The following PDE4D variants were observed in gnomAD, a reference collection of about 807,000 sequenced individuals.
PDE4D encodes 3',5'-cyclic-AMP phosphodiesterase 4D.
A neutral mutation model predicts 87.4 loss-of-function variants in PDE4D; 24 were observed. That is an observed-to-expected ratio of 0.27 (90% confidence interval 0.20 to 0.39). PDE4D has a LOEUF of 0.39. Among genes scored for constraint, PDE4D ranks in the 10% least tolerant of loss-of-function variants. The pLI, the probability that PDE4D is intolerant of heterozygous loss-of-function variation, is 1.00. For missense variants in PDE4D, 714 were observed against 1,041.0 expected, an observed-to-expected ratio of 0.69 and a Z score of 4.32; for synonymous variants, 384 against 383.2, an observed-to-expected ratio of 1.00 and a Z score of -0.02.
At chr5:59,065,942 T>C (rs1763860543) in intron 5 of PDE4D, among the ~76,000 whole-genome samples, 1 of 152,124 alleles carries the variant, frequency 6.6e-6, no homozygotes, top group South Asian at 2.1e-4. Flanking sequence ...TAAAGAAGAC[T>C]AAAAGGATCC....
At chr5:59,401,250 G>T (rs1394604353) in intron 1 of PDE4D, among the ~76,000 whole-genome samples, 1 of 152,158 alleles carries the variant, frequency 6.6e-6, no homozygotes. Flanking sequence ...TTCAAGACCA[G>T]CCTGGGCAAC....
chr5:59,232,800 T>C (rs747821108), intron 1 of PDE4D, among the ~76,000 whole-genome samples: 7 of 141,842 alleles, frequency 4.9e-5, no homozygotes, highest in Non-Finnish European at 1.0e-4. Flanking sequence ...AACAAACCGA[T>C]AGAGAAAATA....
At chr5:60,065,873 T>C (rs998001243) in intron 2 of PDE4D, among the ~76,000 whole-genome samples, 4 of 152,182 alleles carry the variant, frequency 2.6e-5, no homozygotes, top group Admixed American at 1.3e-4. Flanking sequence ...TTTGCTATTG[T>C]GAATAGTGCA....
intron 1 of PDE4D, among the ~76,000 whole-genome samples, chr5:59,288,092 G>A (rs761803099): frequency 1.1e-4 from 16 of 151,940 alleles, no homozygotes; most frequent in Non-Finnish European, 2.4e-4. Context: ...AGCCTATCCA[G>A]GAAAACATGA....
intron 1 of PDE4D, among the ~76,000 whole-genome samples, chr5:59,668,845 GGAAGAAGAA>G (rs1208323931): frequency 0.021 from 1,292 of 61,770 alleles, 16 homozygotes; most frequent in Middle Eastern, 0.026. Context: ...AAGAGGAAGA[GGAAGAAGAA>G]GAAGAAGAAG....
intron 5 of PDE4D, among the ~76,000 whole-genome samples, chr5:59,107,107 C>A (rs752491588): frequency 6.6e-6 from 1 of 151,686 alleles, no homozygotes; most frequent in African/African-American, 2.4e-5. Context: ...CAAGCTACAT[C>A]TGTGTGTGTG....
At chr5:60,501,283 G>A (rs1199780612) in intron 1 of PDE4D, among the ~76,000 whole-genome samples, 1 of 151,994 alleles carries the variant, frequency 6.6e-6, no homozygotes, top group African/African-American at 2.4e-5. Flanking sequence ...AGTTTACTGA[G>A]AATGATGATT....
chr5:59,372,603 G>A (rs2153599062), intron 1 of PDE4D, among the ~76,000 whole-genome samples: 3 of 152,234 alleles, frequency 2.0e-5, no homozygotes, highest in Admixed American at 2.0e-4. Flanking sequence ...CTGCTTGTGG[G>A]GCACAGAGAA....
At chr5:59,422,392 C>T (rs913942882) in intron 1 of PDE4D, among the ~76,000 whole-genome samples, 1 of 152,106 alleles carries the variant, frequency 6.6e-6, no homozygotes, top group African/African-American at 2.4e-5. Context: ...GTCCAAAGTC[C>T]TGACTATTGT....
At chr5:59,153,753 T>G (rs367624095) in intron 5 of PDE4D, among the ~76,000 whole-genome samples, 898 of 41,102 alleles carry the variant, frequency 0.022, 14 homozygotes, top group African/African-American at 0.063. Context: ...GTGGGCAGGG[T>G]TTTTTTTTTT....
intron 6 of PDE4D, among the ~76,000 whole-genome samples, chr5:59,000,932 G>A (rs1189082856): frequency 7.2e-5 from 11 of 152,018 alleles, no homozygotes; most frequent in African/African-American, 2.7e-4. Flanking sequence ...CAGGGGATCT[G>A]CCCACCTCAG....
intron 5 of PDE4D, among the ~76,000 whole-genome samples, chr5:59,109,735 A>C (rs2153437851): frequency 6.6e-6 from 1 of 152,318 alleles, no homozygotes; most frequent in Non-Finnish European, 1.5e-5. Context: ...TAGAGTCCAG[A>C]AGTAAGAGAA....
At chr5:59,392,741 C>G (rs1000885388) in intron 1 of PDE4D, among the ~76,000 whole-genome samples, 1 of 152,136 alleles carries the variant, frequency 6.6e-6, no homozygotes, top group African/African-American at 2.4e-5. Flanking sequence ...ATCCCCCTGC[C>G]TTCTCCATTT....
chr5:60,340,275 TC>T (rs1758190936), intron 1 of PDE4D, among the ~76,000 whole-genome samples: 1 of 130,072 alleles, frequency 7.7e-6, no homozygotes, highest in Non-Finnish European at 1.6e-5. Context: ...CTGTACAGCA[TC>T]CTATTTTTTT....
intron 1 of PDE4D, among the ~76,000 whole-genome samples, chr5:60,411,102 C>G (rs1009640851): frequency 6.6e-6 from 1 of 152,188 alleles, no homozygotes; most frequent in Non-Finnish European, 1.5e-5. Flanking sequence ...ATATTAACTG[C>G]TGCACTGGAC....
chr5:60,428,346 T>C lies in PDE4D; in HGVS notation c.-90+59596A>G, dbSNP rs535731139. Among the ~76,000 whole-genome samples the C allele has an allele frequency of 8.6e-5, 13 of 150,920 alleles. No individual in the cohort carries two copies. The East Asian group carries it at 2.5e-3, about 29-fold the overall frequency. ...AATGGCACACTAAAAAATATTCAAA[T>C]GCTCTGAAAAGAGCAGGAAAGAAAC... is the stretch of plus-strand genomic sequence containing the variant. On this transcript the variant is annotated intron_variant, in intron 1 of 16. Coordinates refer to the PDE4D transcript ENST00000502484.
chr5:60,227,676 T>C (rs1745288688), intron 1 of PDE4D, among the ~76,000 whole-genome samples: 1 of 151,738 alleles, frequency 6.6e-6, no homozygotes, highest in Admixed American at 6.6e-5. Context: ...GGAAGGGTTT[T>C]ACTTTTGTAA....
intron 1 of PDE4D, among the ~76,000 whole-genome samples, chr5:59,660,008 G>A (rs1458455199): frequency 6.6e-6 from 1 of 152,024 alleles, no homozygotes; most frequent in Admixed American, 6.6e-5. Context: ...AACATGGCGA[G>A]GCCCCATCTC....
intron 3 of PDE4D, among the ~76,000 whole-genome samples, chr5:59,949,910 A>G (rs1353000634): frequency 6.6e-6 from 1 of 152,232 alleles, no homozygotes; most frequent in East Asian, 1.9e-4. Context: ...ACATGAAACA[A>G]AGCAAATCCA....
Sources: allele counts gnomAD v4.1 joint callset (sites outside exome capture counted in the v4.1 genomes callset), GRCh38; gene constraint gnomAD v4.1.1; transcripts MANE v1.5; gene names NCBI Gene and HGNC (gene_info 2026-07-23, HGNC 2026-07-21).